The following PLCB2 variants were observed in gnomAD, a reference collection of about 807,000 sequenced individuals.
PLCB2 encodes the protein 1-phosphatidylinositol 4,5-bisphosphate phosphodiesterase beta-2.
Under a neutral mutation model 141.7 loss-of-function variants are expected in PLCB2, and 115 were observed. The observed-to-expected ratio is 0.81, with a 90% CI of 0.70 to 0.95. The LOEUF (loss-of-function observed/expected upper bound fraction) is 0.95. Ranked by LOEUF, PLCB2 falls within the 40% of genes least tolerant of loss-of-function variation. The pLI is 0.00. For missense variants in PLCB2, 1,403 were observed against 1,541.1 expected, an observed-to-expected ratio of 0.91 and a Z score of 1.50; for synonymous variants, 603 against 595.6, an observed-to-expected ratio of 1.01 and a Z score of -0.18.
intron 22 of PLCB2, 59 bp downstream of exon 22, chr15:40,292,280 T>G: frequency 6.6e-7 from 1 of 1,517,574 alleles, no homozygotes; most frequent in South Asian, 1.1e-5. Flanking sequence ...GAAGCTGGCT[T>G]GATGGGAAGG....
In PLCB2 at chr15:40,288,879, T is replaced by A; in HGVS notation, c.3394A>T (p.Lys1132Ter). Reference sequence around the variant, plus strand: ...TCCTTCACCTCTGCCTCCAGACCCTTCATCCTGGCCTCGTACTCTGCCAGC... The same window carrying A: ...TCCTTCACCTCTGCCTCCAGACCCTACATCCTGGCCTCGTACTCTGCCAGC... Reference protein sequence around the residue: ...EALAEYEARMKGLEAEVKESV... With the variant: ...EALAEYEARM Residue 1132 changes from lysine to a stop codon, truncating the protein, a stop_gained, in exon 32 of 32, where the codon AAG (lysine) becomes TAG (stop). Transcript: ENST00000260402. LOFTEE classifies it low-confidence loss of function (END_TRUNC). 6.2e-7 allele frequency: 1 copy of A among 1,613,934 alleles called. No homozygotes were observed. The highest frequency in any genetic ancestry group is 8.5e-7 in the Non-Finnish European group (1 of 1,180,000).
chr15:40,305,657 A>C (rs2141193307), intron 1 of PLCB2, among the ~76,000 whole-genome samples: 1 of 152,350 alleles, frequency 6.6e-6, no homozygotes, highest in South Asian at 2.1e-4. Context: ...GGGGGACTTC[A>C]AGCAACAGGT....
chr15:40,291,389 C>T lies in PLCB2; in HGVS notation c.2746G>A (p.Gly916Arg). 2.0e-6 allele frequency: 3 copies of T among 1,533,984 alleles called. No individual in the cohort carries two copies. The highest frequency in any genetic ancestry group is 2.0e-5 in the Admixed American group (1 of 50,890). The change falls in exon 26 of 32, where the codon GGA (glycine) becomes AGA (arginine). Residue 916 changes from glycine (G) to arginine (R), a missense_variant. Transcript: ENST00000260402. ...EKELRELERR[G>R]ARRWEELLQR... ...AGCAGCTCCTCCCAGCGCCGCGCTCCGCGCCGCTCCAACTCTCGCAGCTCC... is the reference window on the plus strand; with the variant it reads ...AGCAGCTCCTCCCAGCGCCGCGCTCTGCGCCGCTCCAACTCTCGCAGCTCC...
At position 40,293,549 on chromosome 15, in the gene PLCB2, C is replaced by T; in HGVS notation, c.2226+11G>A. The T allele has an allele frequency of 6.2e-7, 1 of 1,612,686 alleles. No individual in the cohort carries two copies. The highest frequency in any genetic ancestry group is 1.3e-5 in the African/African-American group (1 of 75,042). On this transcript the variant is annotated intron_variant, in intron 20 of 31. Transcript: ENST00000260402. ...TAGACAGACTCTGCCCTGCCATGCC[C>T]TGGCCCCCACCTTCTCAAAGACAAA...
chr15:40,304,312 G>C (rs187107744), intron 1 of PLCB2, among the ~76,000 whole-genome samples: 52 of 152,212 alleles, frequency 3.4e-4, no homozygotes, highest in Admixed American at 2.1e-3. Flanking sequence ...TCTCCCTCTA[G>C]ACCCTAAAGA....
At chr15:40,303,951 C>A in intron 2 of PLCB2, 50 bp downstream of exon 2, 1 of 1,313,742 alleles carries the variant, frequency 7.6e-7, no homozygotes, top group Non-Finnish European at 1.1e-6. Flanking sequence ...GCTGTCTGGC[C>A]TCAATGATAA....
At chr15:40,293,134 A>G in intron 20 of PLCB2, 109 bp from the exon 21 acceptor site, 2 of 676,160 alleles carry the variant, frequency 3.0e-6, no homozygotes, top group Middle Eastern at 3.7e-4. Flanking sequence ...GGTGAGTGTC[A>G]CCAGATTTGG....
At chr15:40,294,463 G>A in intron 18 of PLCB2, 43 bp from the exon 19 acceptor site, 3 of 1,607,150 alleles carry the variant, frequency 1.9e-6, no homozygotes, top group Non-Finnish European at 2.6e-6. Context: ...CCAGCCCTGG[G>A]GCTGTGCCCA....
chr15:40,284,836 C>CAAAAAA (rs56397946), downstream of PLCB2, among the ~76,000 whole-genome samples: 43 of 74,874 alleles, frequency 5.7e-4, 4 homozygotes, highest in South Asian at 1.2e-3. Flanking sequence ...GAGACTCCGT[C>CAAAAAA]AAAAAAAAAA....
rs1311841449 is a variant in PLCB2, at chr15:40,291,423, C to T, written c.2712G>A (p.Arg904=). 7 of 1,539,372 alleles carry T rather than the reference C, an allele frequency of 4.5e-6. No homozygotes were observed. Among genetic ancestry groups the T allele is most frequent in the South Asian group, 1.2e-5 (1 of 84,412 alleles). The change falls in exon 26 of 32, where the codon CGG becomes CGA. Residue 904 remains arginine, a synonymous_variant. Coordinates refer to ENST00000260402, the MANE Select transcript of PLCB2 (RefSeq NM_004573.3). Reference sequence around the variant, plus strand: ...CCAACTCTCGCAGCTCCTTCTCGTGCCGCCGCTGCAGCTTCACCACGCCCT... The same window carrying T: ...CCAACTCTCGCAGCTCCTTCTCGTGTCGCCGCTGCAGCTTCACCACGCCCT... ...ELKGVVKLQR[R]HEKELRELER...
At chr15:40,301,813 G>T (rs2040524096) in intron 7 of PLCB2, 144 bp downstream of exon 7, 4 of 741,066 alleles carry the variant, frequency 5.4e-6, no homozygotes, top group African/African-American at 1.7e-5. Context: ...TCAGTAACCA[G>T]CAGCTCCAGG....
chr15:40,298,240 T>C lies in PLCB2; in HGVS notation c.1138A>G (p.Thr380Ala), dbSNP rs1332307213. ...GGTCTCACTTTGAAGAAGATGTCTG[T>C]GGTCATGGTGAAGCCATGGGTGATA... Reference protein sequence around the residue: ...PIITHGFTMTTDIFFKEAIEA... With the variant: ...PIITHGFTMTADIFFKEAIEA... Residue 380 changes from threonine (T) to alanine (A), a missense_variant, in exon 11 of 32, where the codon ACA becomes GCA. Coordinates refer to ENST00000260402, the MANE Select transcript of PLCB2 (RefSeq NM_004573.3). 1.3e-6 allele frequency: 2 copies of C among 1,563,448 alleles called. No individual in the cohort carries two copies. The highest frequency in any genetic ancestry group is 2.4e-5 in the South Asian group (2 of 83,674).
At chr15:40,306,553 C>T (rs983499365) in intron 1 of PLCB2, among the ~76,000 whole-genome samples, 4 of 152,170 alleles carry the variant, frequency 2.6e-5, no homozygotes, top group African/African-American at 9.7e-5. Flanking sequence ...CATGCCACTG[C>T]CATGCTACAC....
chr15:40,306,841 G>T (rs1440711527), intron 1 of PLCB2, among the ~76,000 whole-genome samples: 1 of 152,202 alleles, frequency 6.6e-6, no homozygotes, highest in African/African-American at 2.4e-5. Context: ...TCTCCATATT[G>T]TTCTCTCCAG....
chr15:40,295,147 C>T, intron 17 of PLCB2, 54 bp downstream of exon 17: 1 of 1,609,580 alleles, frequency 6.2e-7, no homozygotes, highest in Non-Finnish European at 8.5e-7. Context: ...CCCAGGCCCT[C>T]CTCTGGCTCC....
intron 18 of PLCB2, 134 bp from the exon 19 acceptor site, chr15:40,294,554 T>C: frequency 1.2e-6 from 1 of 855,718 alleles, no homozygotes. Flanking sequence ...GGGCTTCTCC[T>C]GTCCCAGTCT....
At chr15:40,307,466 C>A (rs752561994) in intron 1 of PLCB2, 123 bp downstream of exon 1, 2 of 567,922 alleles carry the variant, frequency 3.5e-6, no homozygotes, top group Non-Finnish European at 6.1e-6. Context: ...GCTGCCTGGC[C>A]AAACCACACA....
intron 2 of PLCB2, 46 bp downstream of exon 2, chr15:40,303,955 A>T: frequency 7.5e-7 from 1 of 1,337,240 alleles, no homozygotes; most frequent in Non-Finnish European, 1.1e-6. Context: ...TCTGGCCTCA[A>T]TGATAAGCAG....
intron 16 of PLCB2, 52 bp from the exon 17 acceptor site, chr15:40,295,337 T>A: frequency 7.8e-7 from 1 of 1,284,410 alleles, no homozygotes; most frequent in Non-Finnish European, 1.1e-6. Context: ...GTCCCCTCCC[T>A]CAGTCTTGGC....
Sources: allele counts gnomAD v4.1 joint callset (sites outside exome capture counted in the v4.1 genomes callset), GRCh38; gene constraint gnomAD v4.1.1; transcripts MANE v1.5; gene names NCBI Gene and HGNC (gene_info 2026-07-23, HGNC 2026-07-21).